The following DOC2B variants were observed in gnomAD, a reference collection of about 807,000 sequenced individuals.
DOC2B encodes double C2-like domain-containing protein beta.
DOC2B carries 21 observed loss-of-function variants against 28.9 expected under a neutral mutation model. That is an observed-to-expected ratio of 0.73 (90% CI 0.52 to 1.05). The LOEUF is 1.05. DOC2B is among the 50% of genes least tolerant of loss of function. The pLI is 0.00. For synonymous variants in DOC2B, 194 were observed against 178.1 expected (o/e 1.09, Z -0.71); for missense variants, 384 against 421.1 (o/e 0.91, Z 0.77).
chr17:174,761 A>G (rs963201799), intron 1 of DOC2B, among the ~76,000 whole-genome samples: 15 of 152,188 alleles, frequency 9.9e-5, no homozygotes, highest in African/African-American at 3.4e-4. Flanking sequence ...CACCTATTCA[A>G]TAATTGTTTC....
chr17:161,309 C>A lies in DOC2B; in HGVS notation c.765+106G>T. The A allele has an allele frequency of 4.1e-6, 5 of 1,208,548 alleles. No individual in the cohort carries two copies. In the South Asian group the frequency reaches 6.8e-5, roughly 16 times the overall value. The allele number at this position is 1,208,548 out of a possible 1,614,324, so 74.9% of individuals were successfully genotyped here. On this transcript the variant is annotated intron_variant, in intron 5 of 8. Coordinates refer to ENST00000613549, the MANE Select transcript of DOC2B (RefSeq NM_003585.5). ...TGCTCACCTCCCCGGTCTCCCCTCC[C>A]CTCTCACTCTGCCCCTCATGAGTCC...
At chr17:154,585 G>C (rs1555522195) in intron 6 of DOC2B, among the ~76,000 whole-genome samples, 1 of 152,228 alleles carries the variant, frequency 6.6e-6, no homozygotes, top group Non-Finnish European at 1.5e-5. Flanking sequence ...TCCTGCACAA[G>C]TTTTAGGATG....
chr17:152,665 A>G (rs1762625007), intron 6 of DOC2B, among the ~76,000 whole-genome samples: 1 of 152,130 alleles, frequency 6.6e-6, no homozygotes, highest in Non-Finnish European at 1.5e-5. Flanking sequence ...CCAGCTACTC[A>G]GGAGGCTGAG....
At chr17:166,472 C>G (rs187234894) in intron 2 of DOC2B, among the ~76,000 whole-genome samples, 1 of 152,332 alleles carries the variant, frequency 6.6e-6, no homozygotes, top group Non-Finnish European at 1.5e-5. Context: ...GTGGGCCTCA[C>G]GGGAGGTGAC....
At chr17:175,699 A>C (rs754411680) in intron 1 of DOC2B, among the ~76,000 whole-genome samples, 1 of 152,222 alleles carries the variant, frequency 6.6e-6, no homozygotes, top group African/African-American at 2.4e-5. Flanking sequence ...AAGTGTAAAA[A>C]TGCACATTCT....
chr17:172,157 C>G (rs1432465201), intron 2 of DOC2B, among the ~76,000 whole-genome samples: 1 of 150,430 alleles, frequency 6.6e-6, no homozygotes, highest in Non-Finnish European at 1.5e-5. Context: ...CGTCCCCACT[C>G]CTCAGGGCGT....
chr17:181,442 C>T lies in DOC2B; in HGVS notation c.38G>A (p.Ser13Asn). 8.6e-7 allele frequency: 1 copy of T among 1,162,622 alleles called. No individual in the cohort carries two copies. Among genetic ancestry groups the T allele is most frequent in the Non-Finnish European group, 1.1e-6 (1 of 930,066 alleles). 72.0% of individuals were successfully genotyped at this position (1,162,622 alleles called of 1,614,324 possible). A position where few individuals can be genotyped will look rare whatever the true frequency, so the allele number is the denominator to read the frequency against. The change falls in exon 1 of 9, where the codon AGC becomes AAC. Residue 13 changes from serine (S) to asparagine (N), a missense_variant. Transcript: ENST00000613549. The surrounding 1 kb of genome is among the most constrained non-coding windows in gnomAD (Gnocchi z 7.0). ...GTCGATGGCCATATGCTCCTGGATG[C>T]TGATGGTCGCCTTCTCCCCGCGCCG... ...LRRRGEKATISIQEHMAIDVC... is the reference protein window; with the variant it reads ...LRRRGEKATINIQEHMAIDVC...
intron 1 of DOC2B, among the ~76,000 whole-genome samples, chr17:179,067 C>T (rs763494972): frequency 1.3e-5 from 2 of 152,222 alleles, no homozygotes; most frequent in East Asian, 1.9e-4. Flanking sequence ...TCGAAGGGGG[C>T]GACAGGGGCC....
intron 7 of DOC2B, among the ~76,000 whole-genome samples, chr17:148,902 T>C (rs1473109090): frequency 1.3e-5 from 2 of 150,308 alleles, no homozygotes; most frequent in African/African-American, 4.9e-5. Context: ...CCTCAACACT[T>C]CCCTCCCCCC....
At position 160,484 on chromosome 17, in the gene DOC2B, C is replaced by T. The variant is rs558267390; in HGVS notation, c.765+931G>A. Among the ~76,000 whole-genome samples the T allele has an allele frequency of 1.6e-4, 24 of 152,344 alleles. No individual in the cohort carries two copies. In the East Asian group the frequency reaches 4.1e-3, roughly 26 times the overall value. On this transcript the variant is annotated intron_variant, in intron 5 of 8. Transcript: ENST00000613549. ...TTGGGCTAAGCTCGAGGTGAGTCCA[C>T]GTCCCCGGGCCCCACTGGGGCTGGG... is the stretch of plus-strand genomic sequence containing the variant.
chr17:173,857 C>T (rs2040339917), intron 1 of DOC2B, among the ~76,000 whole-genome samples: 1 of 152,170 alleles, frequency 6.6e-6, no homozygotes, highest in Non-Finnish European at 1.5e-5. Context: ...GTTCTTCAGG[C>T]TCTGAGCTAG....
rs898410596 is a variant in DOC2B, at chr17:164,014, G to A, written c.528+116C>T. ...GGACTCTGAGGGGAGTGGCAGCTGT[G>A]GGCCTCCCTGGGTGCCCGCAGCCCA... is the stretch of plus-strand genomic sequence containing the variant. On this transcript the variant is annotated intron_variant, in intron 3 of 8. Transcript: ENST00000613549. 5.3e-6 allele frequency: 4 copies of A among 755,912 alleles called. No individual in the cohort carries two copies. In the African/African-American group the frequency reaches 6.9e-5, roughly 13 times the overall value. 46.8% of individuals were successfully genotyped at this position (755,912 alleles called of 1,614,324 possible).
At chr17:177,328 G>C (rs982870032) in intron 1 of DOC2B, among the ~76,000 whole-genome samples, 2 of 152,138 alleles carry the variant, frequency 1.3e-5, no homozygotes, top group Admixed American at 6.5e-5. Flanking sequence ...AACCTCCTTG[G>C]TGTGGCATTC....
chr17:144,148 C>CT lies in DOC2B; in HGVS notation c.*3292dup, dbSNP rs1177567945. 110 of 145,122 alleles carry CT rather than the reference C, an allele frequency of 7.6e-4. No individual in the cohort carries two copies. The highest frequency in any genetic ancestry group is 3.7e-3 in the South Asian group (19 of 5,106). 9.0% of individuals were successfully genotyped at this position (145,122 alleles called of 1,614,324 possible). On this transcript the variant is annotated 3_prime_UTR_variant, in exon 9 of 9. Transcript: ENST00000613549. Reference sequence around the variant, plus strand: ...GCCTGGTTACTGACACCTGGAATGACTTTTTTTTTTTGGCATCAGATTTCC... The same window carrying CT: ...GCCTGGTTACTGACACCTGGAATGACTTTTTTTTTTTTGGCATCAGATTTCC...
At chr17:161,309 C>T (rs2040199914) in intron 5 of DOC2B, 106 bp downstream of exon 5, 3 of 1,208,548 alleles carry the variant, frequency 2.5e-6, no homozygotes, top group East Asian at 2.6e-5. Context: ...TCTCCCCTCC[C>T]CTCTCACTCT....
At chr17:149,533 C>T (rs1257336438) in intron 6 of DOC2B, among the ~76,000 whole-genome samples, 1 of 152,102 alleles carries the variant, frequency 6.6e-6, no homozygotes, top group Non-Finnish European at 1.5e-5. Flanking sequence ...GAGTTTTTAG[C>T]AGAGTTGGTC....
In DOC2B at chr17:145,612, C is replaced by T. The variant is rs892374780; in HGVS notation, c.*1829G>A. ...CGCAACCTGGGAAAGGCCTGATGGGCACTTGGTAGGATTCAAATCATAACC... is the reference window on the plus strand; with the variant it reads ...CGCAACCTGGGAAAGGCCTGATGGGTACTTGGTAGGATTCAAATCATAACC... On this transcript the variant is annotated 3_prime_UTR_variant, in exon 9 of 9. Coordinates refer to ENST00000613549, the MANE Select transcript of DOC2B (RefSeq NM_003585.5). The T allele has an allele frequency of 2.3e-3, 358 of 152,524 alleles. 5 individuals are homozygous for T. The highest frequency in any genetic ancestry group is 1.7e-3 in the East Asian group (9 of 5,168). The allele number at this position is 152,524 out of a possible 1,614,324, so 9.4% of individuals were successfully genotyped here.
intron 6 of DOC2B, among the ~76,000 whole-genome samples, chr17:152,819 A>G (rs1391606425): frequency 6.6e-6 from 1 of 152,178 alleles, no homozygotes; most frequent in East Asian, 1.9e-4. Flanking sequence ...AATAGTGCAG[A>G]CAAAAGGCCT....
intron 5 of DOC2B, among the ~76,000 whole-genome samples, chr17:157,844 T>G (rs1051079239): frequency 4.6e-5 from 7 of 152,206 alleles, no homozygotes; most frequent in Admixed American, 4.6e-4. Context: ...GAGGGACAGA[T>G]GGTCCCCTGT....
Sources: allele counts gnomAD v4.1 joint callset (sites outside exome capture counted in the v4.1 genomes callset), GRCh38; gene constraint gnomAD v4.1.1; non-coding constraint Gnocchi (gnomAD v3.1); transcripts MANE v1.5; gene names NCBI Gene and HGNC (gene_info 2026-07-23, HGNC 2026-07-21).